Variants in RAPGEF4 observed in about 807,000 individuals in gnomAD.
RAPGEF4 encodes Rap guanine nucleotide exchange factor 4.
RAPGEF4 carries 66 observed loss-of-function variants against 147.9 expected under a neutral mutation model. That is an observed-to-expected ratio of 0.45 (90% confidence interval 0.37 to 0.55). The LOEUF (loss-of-function observed/expected upper bound fraction) is 0.55. RAPGEF4 is among the 20% of genes least tolerant of loss of function. The probability of loss-of-function intolerance (pLI) is 0.00; values close to 1 mark genes in which losing one functional copy is unlikely to be tolerated. For missense variants in RAPGEF4, 1,071 were observed against 1,257.3 expected (o/e 0.85, Z 2.24); for synonymous variants, 419 against 442.7 (o/e 0.95, Z 0.67).
At chr2:172,960,051 C>T (rs187022790) in intron 6 of RAPGEF4, among the ~76,000 whole-genome samples, 13 of 152,152 alleles carry the variant, frequency 8.5e-5, no homozygotes, top group African/African-American at 3.1e-4. Flanking sequence ...TAGGATCACA[C>T]CACTGCACTC....
intron 10 of RAPGEF4, among the ~76,000 whole-genome samples, chr2:172,967,835 C>T (rs987959789): frequency 2.0e-5 from 3 of 152,212 alleles, no homozygotes; most frequent in Admixed American, 6.5e-5. Context: ...CATGCCTAGG[C>T]CTGCATTCAT....
At chr2:173,026,859 G>A (rs1198331016) in intron 24 of RAPGEF4, among the ~76,000 whole-genome samples, 162 bp downstream of exon 24, 1 of 152,144 alleles carries the variant, frequency 6.6e-6, no homozygotes, top group Non-Finnish European at 1.5e-5. Context: ...AAGCCTTTGA[G>A]TATTAAAGAA....
intron 4 of RAPGEF4, among the ~76,000 whole-genome samples, chr2:172,868,819 G>A (rs992044315): frequency 1.3e-5 from 2 of 152,160 alleles, no homozygotes; most frequent in Non-Finnish European, 2.9e-5. Context: ...ACAGTTCTGC[G>A]GCCTGTACAG....
chr2:172,981,211 C>G (rs41473447), intron 10 of RAPGEF4, among the ~76,000 whole-genome samples: 11,148 of 152,232 alleles, frequency 0.073, 600 homozygotes, highest in South Asian at 0.16. Flanking sequence ...GGAGGGTTCC[C>G]TGTTATTTGC....
chr2:172,940,936 C>T lies in RAPGEF4; in HGVS notation c.537+18636C>T, dbSNP rs147022786. On this transcript the variant is annotated intron_variant, in intron 6 of 30. Coordinates refer to ENST00000397081, the MANE Select transcript of RAPGEF4 (RefSeq NM_007023.4). ...TAGTTGTCTCTATATATGCCCTGTA[C>T]ATGTTTTGTTAGATTAATACAAAGT... 4.8e-3 allele frequency among the ~76,000 whole-genome samples: 724 copies of T among 152,256 alleles called. 34 individuals carry two copies. In the East Asian group the frequency reaches 0.11, roughly 24 times the overall value.
chr2:172,890,273 T>G (rs1230402049), intron 4 of RAPGEF4, among the ~76,000 whole-genome samples: 1 of 152,188 alleles, frequency 6.6e-6, no homozygotes, highest in Non-Finnish European at 1.5e-5. Context: ...AGTCAGGACT[T>G]TGATGACTGG....
At chr2:173,012,897 C>G (rs1695157633) in intron 17 of RAPGEF4, among the ~76,000 whole-genome samples, 2 of 152,168 alleles carry the variant, frequency 1.3e-5, no homozygotes, top group African/African-American at 2.4e-5. Context: ...CATTGCAACT[C>G]TTTGGAAAGA....
intron 1 of RAPGEF4, among the ~76,000 whole-genome samples, chr2:172,748,280 G>C (rs1694953210): frequency 6.6e-6 from 1 of 152,126 alleles, no homozygotes; most frequent in African/African-American, 2.4e-5. Context: ...TTTACATTCT[G>C]TATTAGTCTG....
intron 29 of RAPGEF4, among the ~76,000 whole-genome samples, chr2:173,047,100 A>G (rs914885337): frequency 2.0e-5 from 3 of 152,044 alleles, no homozygotes; most frequent in South Asian, 2.1e-4. Context: ...TAATTAATCT[A>G]TTATCTCCAC....
chr2:172,742,795 A>C (rs922698775), intron 1 of RAPGEF4, among the ~76,000 whole-genome samples: 4 of 152,182 alleles, frequency 2.6e-5, no homozygotes, highest in Admixed American at 2.6e-4. Flanking sequence ...GGACTCCCTC[A>C]GACTGGGGAT....
At chr2:172,823,240 C>G (rs1689275688) in intron 4 of RAPGEF4, among the ~76,000 whole-genome samples, 1 of 152,182 alleles carries the variant, frequency 6.6e-6, no homozygotes, top group African/African-American at 2.4e-5. Context: ...TTTGAGGCAG[C>G]CTTGTTCCGA....
At chr2:172,775,930 A>G (rs188547957) in intron 1 of RAPGEF4, among the ~76,000 whole-genome samples, 26 of 152,194 alleles carry the variant, frequency 1.7e-4, no homozygotes, top group Admixed American at 8.5e-4. Flanking sequence ...CTACTATATA[A>G]TCTTTAGTTT....
intron 17 of RAPGEF4, among the ~76,000 whole-genome samples, chr2:173,005,270 A>G (rs1694314836): frequency 6.6e-6 from 1 of 152,082 alleles, no homozygotes; most frequent in Non-Finnish European, 1.5e-5. Context: ...TGTATTCCCA[A>G]ATTACTCTCC....
At chr2:172,978,565 G>T (rs1691340644) in intron 10 of RAPGEF4, among the ~76,000 whole-genome samples, 1 of 152,218 alleles carries the variant, frequency 6.6e-6, no homozygotes, top group Non-Finnish European at 1.5e-5. Flanking sequence ...GAGTGTGACA[G>T]GCGTGGAAAG....
At chr2:172,870,125 A>G (rs1015408146) in intron 4 of RAPGEF4, among the ~76,000 whole-genome samples, 2 of 152,164 alleles carry the variant, frequency 1.3e-5, no homozygotes, top group African/African-American at 4.8e-5. Flanking sequence ...CTGTGTGGAT[A>G]CTGCTGCTTT....
intron 6 of RAPGEF4, among the ~76,000 whole-genome samples, chr2:172,929,480 A>C (rs1445457923): frequency 6.6e-6 from 1 of 152,222 alleles, no homozygotes; most frequent in Non-Finnish European, 1.5e-5. Flanking sequence ...AATTCTTTAA[A>C]ATTTTCAGAA....
chr2:172,928,815 T>C (rs967538954), intron 6 of RAPGEF4, among the ~76,000 whole-genome samples: 7 of 152,172 alleles, frequency 4.6e-5, no homozygotes, highest in Admixed American at 4.6e-4. Context: ...TGTTCGATAG[T>C]TTAATAATAA....
At position 172,878,802 on chromosome 2, in the gene RAPGEF4, C is replaced by T. The variant is rs543287226; in HGVS notation, c.445-39000C>T. ...AAAGGAATATATTTCTTCTTTTGGT[C>T]GATAATTATGTAAATATCACTAGTA... On this transcript the variant is annotated intron_variant, in intron 4 of 30. Coordinates refer to ENST00000397081, the MANE Select transcript of RAPGEF4 (RefSeq NM_007023.4). Among the ~76,000 whole-genome samples the T allele has an allele frequency of 7.8e-4, 119 of 152,054 alleles. 1 individual carries two copies. In the South Asian group the frequency reaches 0.011, roughly 14 times the overall value.
chr2:172,869,017 G>T (rs1456249513), intron 4 of RAPGEF4, among the ~76,000 whole-genome samples: 1 of 152,184 alleles, frequency 6.6e-6, no homozygotes, highest in African/African-American at 2.4e-5. Context: ...CATCTTGTAG[G>T]TTCTCAATAA....
Sources: gnomAD v4.1 joint callset for allele counts (sites outside exome capture counted in the v4.1 genomes callset) on GRCh38, gnomAD v4.1.1 for gene constraint, MANE v1.5 for transcripts, NCBI Gene and HGNC (gene_info 2026-07-23, HGNC 2026-07-21) for gene names.